Variants in TMEM44 observed in about 807,000 individuals in gnomAD.
TMEM44 encodes the protein transmembrane protein 44.
TMEM44 carries 43 observed loss-of-function variants against 47.8 expected under a neutral mutation model. The ratio of observed to expected loss-of-function variants is 0.90; its 90% confidence interval spans 0.70 to 1.16. The LOEUF is 1.16. Ranked by LOEUF, TMEM44 falls within the 50% of genes most tolerant of loss-of-function variation. The pLI, the probability that TMEM44 is intolerant of heterozygous loss-of-function variation, is 0.00. For missense variants in TMEM44, 568 were observed against 555.2 expected (o/e 1.02, Z -0.23); for synonymous variants, 277 against 238.8 (o/e 1.16, Z -1.48).
intron 8 of TMEM44, among the ~76,000 whole-genome samples, chr3:194,610,700 C>G (rs1181022621): frequency 5.9e-5 from 9 of 152,292 alleles, no homozygotes; most frequent in South Asian, 2.1e-4. Context: ...TCTTGTTACT[C>G]TGTGTTTCAT....
intron 9 of TMEM44, 82 bp from the exon 10 acceptor site, chr3:194,588,721 G>T: frequency 7.4e-7 from 1 of 1,348,498 alleles, no homozygotes; most frequent in Non-Finnish European, 1.1e-6. Context: ...CCAAACAAAA[G>T]CTCCAATCTT....
intron 1 of TMEM44, among the ~76,000 whole-genome samples, chr3:194,630,762 C>G (rs1034818701): frequency 6.6e-6 from 1 of 151,370 alleles, no homozygotes; most frequent in Non-Finnish European, 1.5e-5. Context: ...GTCGGCGTCA[C>G]TGATGGGGCC....
intron 8 of TMEM44, among the ~76,000 whole-genome samples, chr3:194,607,649 A>C (rs917030902): frequency 3.3e-5 from 5 of 152,154 alleles, no homozygotes; most frequent in African/African-American, 1.2e-4. Flanking sequence ...CTGTAAAATG[A>C]GTATAATACT....
chr3:194,590,513 AC>A (rs1249957851), intron 9 of TMEM44, among the ~76,000 whole-genome samples: 2 of 152,206 alleles, frequency 1.3e-5, no homozygotes, highest in African/African-American at 2.4e-5. Context: ...CCCTCAGCCT[AC>A]GTGACCCACC....
At chr3:194,607,270 C>T (rs1231754219) in intron 8 of TMEM44, among the ~76,000 whole-genome samples, 1 of 152,110 alleles carries the variant, frequency 6.6e-6, no homozygotes, top group Non-Finnish European at 1.5e-5. Flanking sequence ...AGCCTGAGGC[C>T]TCACCAGTGC....
At position 194,611,599 on chromosome 3, in the gene TMEM44, G is replaced by C. The variant is rs191479939; in HGVS notation, c.913-579C>G. Among the ~76,000 whole-genome samples, 2 of 152,334 alleles carry C rather than the reference G, an allele frequency of 1.3e-5. No individual in the cohort carries two copies. On this transcript the variant is annotated intron_variant, in intron 7 of 9. Transcript: ENST00000347147. The surrounding 1 kb of genome is among the most constrained non-coding windows in gnomAD (Gnocchi z 4.2). ...TAACCGGGAAGTGGATCGTTTAAAC[G>C]CGCCCCAGATGATTCTAACGTGCGG... is the stretch of plus-strand genomic sequence containing the variant.
At chr3:194,609,031 T>C (rs982167482) in intron 8 of TMEM44, among the ~76,000 whole-genome samples, 2 of 152,028 alleles carry the variant, frequency 1.3e-5, no homozygotes, top group Non-Finnish European at 2.9e-5. Context: ...TCAAAAGGAA[T>C]GGATGGGCAT....
intron 9 of TMEM44, among the ~76,000 whole-genome samples, chr3:194,602,456 G>A (rs1366015888): frequency 1.3e-5 from 2 of 152,174 alleles, no homozygotes; most frequent in Admixed American, 1.3e-4. Context: ...ACAAAAATTA[G>A]CCGGGCGTGG....
intron 7 of TMEM44, among the ~76,000 whole-genome samples, chr3:194,614,084 G>T (rs975376655): frequency 6.6e-6 from 1 of 151,900 alleles, no homozygotes. Context: ...ATCGTGCCAC[G>T]GCACTCCAGC....
chr3:194,621,645 C>T (rs1228573994), intron 5 of TMEM44, among the ~76,000 whole-genome samples: 10 of 152,176 alleles, frequency 6.6e-5, no homozygotes, highest in Admixed American at 2.0e-4. Context: ...CACCAACAAC[C>T]GCGAACAACC....
Position 194,611,579 on chromosome 3 carries a change from G to A in TMEM44, c.913-559C>T, listed in dbSNP as rs570510067. On this transcript the variant is annotated intron_variant, in intron 7 of 9. Coordinates refer to ENST00000347147, the MANE Select transcript of TMEM44 (RefSeq NM_001011655.3). This position sits in a 1 kb window ranked among gnomAD's most constrained non-coding sequence, Gnocchi z 4.2. ...GATTTCATGGGTATGAGATGTAACC[G>A]GGAAGTGGATCGTTTAAACGCGCCC... 1.1e-4 allele frequency among the ~76,000 whole-genome samples: 17 copies of A among 152,296 alleles called. 1 individual carries two copies. In the South Asian group the frequency reaches 2.5e-3, roughly 22 times the overall value.
intron 8 of TMEM44, among the ~76,000 whole-genome samples, chr3:194,605,112 G>A (rs1462782685): frequency 1.3e-5 from 2 of 151,738 alleles, no homozygotes; most frequent in Non-Finnish European, 2.9e-5. Context: ...GATTTTCTAT[G>A]TATCTATGTA....
At chr3:194,604,540 T>C in intron 8 of TMEM44, 95 bp from the exon 9 acceptor site, 1 of 1,416,084 alleles carries the variant, frequency 7.1e-7, no homozygotes, top group Non-Finnish European at 9.3e-7. Context: ...GTTCAAAATG[T>C]ACAAAAGGGT....
chr3:194,619,290 C>T (rs1274284089), intron 5 of TMEM44, among the ~76,000 whole-genome samples: 1 of 152,234 alleles, frequency 6.6e-6, no homozygotes, highest in African/African-American at 2.4e-5. Flanking sequence ...TATTTATCTG[C>T]AGTGCCAGAC....
chr3:194,619,106 G>A (rs942960469), intron 5 of TMEM44, among the ~76,000 whole-genome samples: 5 of 152,244 alleles, frequency 3.3e-5, no homozygotes, highest in African/African-American at 1.2e-4. Flanking sequence ...GAGTGGGGCT[G>A]GGCCTGGGCC....
intron 9 of TMEM44, among the ~76,000 whole-genome samples, chr3:194,594,863 A>G (rs940658366): frequency 1.3e-5 from 2 of 152,224 alleles, no homozygotes; most frequent in Non-Finnish European, 2.9e-5. Flanking sequence ...CGTTATGGGC[A>G]ATCTAAAATT....
chr3:194,616,512 G>A (rs1315251966), intron 6 of TMEM44: 1 of 451,202 alleles, frequency 2.2e-6, no homozygotes. Flanking sequence ...GAAGGGCAAG[G>A]CAGAAATGTA....
chr3:194,600,761 A>AAAG (rs553701063), intron 9 of TMEM44, among the ~76,000 whole-genome samples: 9,036 of 150,492 alleles, frequency 0.06, 861 homozygotes, highest in African/African-American at 0.2. Context: ...AAAAGAAAAA[A>AAAG]AAGAAGAAGA....
At position 194,604,448 on chromosome 3, in the gene TMEM44, G is replaced by A; in HGVS notation, c.1018-3C>T. On this transcript the variant is annotated splice_polypyrimidine_tract_variant and splice_region_variant and intron_variant, in intron 8 of 9. Transcript: ENST00000347147. ...AGCCTGGTGGCACTGCAGCCTGCCT[G>A]CAAGGTGTGTGAGAAAGGGCAGGCA... The A allele has an allele frequency of 6.6e-7, 1 of 1,504,900 alleles. No homozygotes were observed. Among genetic ancestry groups the A allele is most frequent in the Non-Finnish European group, 8.9e-7 (1 of 1,120,196 alleles). 93.2% of individuals were successfully genotyped at this position (1,504,900 alleles called of 1,614,324 possible).
Sources: allele counts gnomAD v4.1 joint callset (sites outside exome capture counted in the v4.1 genomes callset), GRCh38; gene constraint gnomAD v4.1.1; non-coding constraint Gnocchi (gnomAD v3.1); transcripts MANE v1.5; gene names NCBI Gene and HGNC (gene_info 2026-07-23, HGNC 2026-07-21).